The following FAR1 variants were observed in gnomAD, a reference collection of about 807,000 sequenced individuals.
FAR1 encodes the protein male sterility domain-containing protein 2.
In FAR1, 22 loss-of-function variants were observed where a neutral mutation model predicts 61.1. The observed-to-expected ratio is 0.36, with a 90% CI of 0.26 to 0.51. The LOEUF (loss-of-function observed/expected upper bound fraction) is 0.51. Ranked by LOEUF, FAR1 falls within the 20% of genes least tolerant of loss-of-function variation. The pLI is 0.95. For synonymous variants in FAR1, 206 were observed against 209.7 expected (o/e 0.98, Z 0.15); for missense variants, 359 against 626.9 (o/e 0.57, Z 4.56).
chr11:13,693,363 T>G (rs1280039079), intron 1 of FAR1, among the ~76,000 whole-genome samples: 1 of 145,014 alleles, frequency 6.9e-6, no homozygotes, highest in East Asian at 1.9e-4. Flanking sequence ...TTTTTTCTTT[T>G]GTTTGTTTTT....
At chr11:13,669,833 A>T (rs1040474635) in intron 1 of FAR1, among the ~76,000 whole-genome samples, 2 of 151,898 alleles carry the variant, frequency 1.3e-5, no homozygotes, top group African/African-American at 4.8e-5. Flanking sequence ...TGGCATACAT[A>T]TTGTTTGCTT....
intron 1 of FAR1, among the ~76,000 whole-genome samples, chr11:13,675,836 A>G (rs985246515): frequency 2.0e-5 from 3 of 152,214 alleles, no homozygotes; most frequent in Non-Finnish European, 2.9e-5. Context: ...AAATGTTGGC[A>G]TAATTCATGA....
intron 3 of FAR1, 69 bp downstream of exon 3, chr11:13,700,561 C>A: frequency 9.9e-7 from 1 of 1,013,258 alleles, no homozygotes; most frequent in Non-Finnish European, 1.4e-6. Flanking sequence ...TTTAATTCTA[C>A]TTTTTAGTCA....
In FAR1 at chr11:13,730,064, C is replaced by T. The variant is rs1485327955; in HGVS notation, c.*1290C>T. On this transcript the variant is annotated 3_prime_UTR_variant, in exon 12 of 12. Coordinates refer to ENST00000354817, the MANE Select transcript of FAR1 (RefSeq NM_032228.6). ...TCCCTTTTAATCATAATAGTTAACT[C>T]TACTTACTGTTTTAACATACATTTG... The T allele has an allele frequency of 1.3e-5, 2 of 152,156 alleles. No individual in the cohort carries two copies. The highest frequency in any genetic ancestry group is 2.9e-5 in the Non-Finnish European group (2 of 67,848). The allele number at this position is 152,156 out of a possible 1,614,324, so 9.4% of individuals were successfully genotyped here.
intron 3 of FAR1, among the ~76,000 whole-genome samples, chr11:13,706,920 C>G (rs1848438750): frequency 6.6e-6 from 1 of 152,082 alleles, no homozygotes; most frequent in Non-Finnish European, 1.5e-5. Context: ...AAAACTGAGG[C>G]CTGAGTGCTT....
chr11:13,723,396 A>C (rs765627975), intron 10 of FAR1: 20 of 415,574 alleles, frequency 4.8e-5, no homozygotes, highest in Middle Eastern at 3.5e-4. Flanking sequence ...CCAAAAAAAA[A>C]CTTTTTTATT....
intron 4 of FAR1, among the ~76,000 whole-genome samples, chr11:13,708,884 C>T (rs904264279): frequency 3.3e-5 from 5 of 152,122 alleles, no homozygotes; most frequent in Non-Finnish European, 7.4e-5. Flanking sequence ...GCAATTGTTA[C>T]ATGAAAATTA....
intron 1 of FAR1, among the ~76,000 whole-genome samples, chr11:13,673,178 A>G (rs981136829): frequency 6.6e-6 from 1 of 152,246 alleles, no homozygotes; most frequent in African/African-American, 2.4e-5. Flanking sequence ...CCAAACCAAT[A>G]GGATTTGCCC....
chr11:13,704,414 C>T (rs1002163073), intron 3 of FAR1, among the ~76,000 whole-genome samples: 3 of 152,096 alleles, frequency 2.0e-5, no homozygotes, highest in African/African-American at 7.2e-5. Context: ...GATCAAGAAA[C>T]TATTGAGTTT....
intron 1 of FAR1, among the ~76,000 whole-genome samples, chr11:13,674,947 C>A (rs1180204287): frequency 6.6e-6 from 1 of 151,976 alleles, no homozygotes; most frequent in East Asian, 1.9e-4. Flanking sequence ...AAATTGACAG[C>A]AATAATACAC....
intron 1 of FAR1, among the ~76,000 whole-genome samples, chr11:13,680,438 A>G (rs1231713807): frequency 2.6e-5 from 4 of 152,118 alleles, no homozygotes; most frequent in Non-Finnish European, 5.9e-5. Flanking sequence ...GTCCATTTGT[A>G]TTGATATAAA....
intron 2 of FAR1, among the ~76,000 whole-genome samples, chr11:13,698,368 G>A (rs978754219): frequency 1.3e-5 from 2 of 152,086 alleles, no homozygotes; most frequent in Non-Finnish European, 2.9e-5. Flanking sequence ...TCAGTCATAA[G>A]CCAAAATGAC....
At chr11:13,706,191 T>C (rs1848430213) in intron 3 of FAR1, among the ~76,000 whole-genome samples, 1 of 152,158 alleles carries the variant, frequency 6.6e-6, no homozygotes, top group Admixed American at 6.5e-5. Context: ...TCCATAGTTA[T>C]AATTTTAGTG....
intron 1 of FAR1, among the ~76,000 whole-genome samples, chr11:13,674,808 C>T (rs531007329): frequency 2.8e-4 from 42 of 152,220 alleles, no homozygotes; most frequent in African/African-American, 9.4e-4. Flanking sequence ...AAGAATGAAA[C>T]GTGTTTAGTA....
intron 1 of FAR1, among the ~76,000 whole-genome samples, chr11:13,678,802 C>G (rs1848095166): frequency 6.6e-6 from 1 of 152,026 alleles, no homozygotes; most frequent in Non-Finnish European, 1.5e-5. Context: ...TGGGATAAAG[C>G]ATATAGTTTC....
At chr11:13,694,153 A>G (rs1565343509) in intron 1 of FAR1, among the ~76,000 whole-genome samples, 3 of 152,084 alleles carry the variant, frequency 2.0e-5, no homozygotes. Context: ...TTTTAGAGGA[A>G]TTTGGGTAGA....
intron 3 of FAR1, among the ~76,000 whole-genome samples, chr11:13,703,858 A>C (rs1397377548): frequency 6.6e-6 from 1 of 152,014 alleles, no homozygotes; most frequent in Non-Finnish European, 1.5e-5. Flanking sequence ...AGCCTGGCCA[A>C]CATGGTGAAA....
At chr11:13,716,848 T>G (rs1848562688) in intron 9 of FAR1, among the ~76,000 whole-genome samples, 1 of 152,120 alleles carries the variant, frequency 6.6e-6, no homozygotes, top group Non-Finnish European at 1.5e-5. Context: ...ACGTGCAGAT[T>G]TGTTACATAT....
intron 1 of FAR1, among the ~76,000 whole-genome samples, chr11:13,687,915 C>T (rs2134174967): frequency 8.0e-6 from 1 of 125,724 alleles, no homozygotes; most frequent in Admixed American, 1.1e-4. Flanking sequence ...CACATGGACA[C>T]AGGAAGGGGA....
Sources: gnomAD v4.1 joint callset for allele counts (sites outside exome capture counted in the v4.1 genomes callset) on GRCh38, gnomAD v4.1.1 for gene constraint, MANE v1.5 for transcripts, NCBI Gene and HGNC (gene_info 2026-07-23, HGNC 2026-07-21) for gene names.